The following PTPN11 variants were observed in gnomAD, a reference collection of about 807,000 sequenced individuals.
PTPN11 encodes the protein protein tyrosine phosphatase non-receptor type 11, also known as tyrosine-protein phosphatase non-receptor type 11.
In PTPN11, 6 loss-of-function variants were observed where a neutral mutation model predicts 78.8. The observed-to-expected ratio is 0.08, with a 90% CI of 0.04 to 0.15. The LOEUF (loss-of-function observed/expected upper bound fraction) is 0.15. PTPN11 is among the 10% of genes least tolerant of loss of function. The probability of loss-of-function intolerance (pLI) is 1.00; values close to 1 mark genes in which losing one functional copy is unlikely to be tolerated. For missense variants in PTPN11, 386 were observed against 744.8 expected, an observed-to-expected ratio of 0.52 and a Z score of 5.61; for synonymous variants, 221 against 263.5, an observed-to-expected ratio of 0.84 and a Z score of 1.56.
At chr12:112,488,534 G>A (rs769265601) in intron 12 of PTPN11, 24 bp downstream of exon 12, 34 of 1,574,606 alleles carry the variant, frequency 2.2e-5, no homozygotes, top group Non-Finnish European at 2.1e-5. Flanking sequence ...TGGGCAAGAA[G>A]CGACAGTTTC....
chr12:112,469,174 T>G (rs995570642), intron 6 of PTPN11, among the ~76,000 whole-genome samples: 5 of 152,190 alleles, frequency 3.3e-5, no homozygotes, highest in Admixed American at 2.6e-4. Context: ...GAATTTAGTC[T>G]GGCAAAGTAT....
At position 112,443,451 on chromosome 12, in the gene PTPN11, C is replaced by T. The variant is rs149095418; in HGVS notation, c.15-2825C>T. On this transcript the variant is annotated intron_variant, in intron 1 of 15. Coordinates refer to ENST00000351677, the MANE Select transcript of PTPN11 (RefSeq NM_002834.5). ...TTGGCTCACTGCAACCTCCGTCTCC[C>T]GGGTTCAAGCGATTCTCCTGCCTCA... 4.7e-5 allele frequency among the ~76,000 whole-genome samples: 7 copies of T among 150,344 alleles called. No individual in the cohort carries two copies. The East Asian group carries it at 7.9e-4, about 17-fold the overall frequency.
intron 13 of PTPN11, 90 bp from the exon 14 acceptor site, chr12:112,502,054 T>C (rs2038880510): frequency 9.7e-7 from 1 of 1,033,040 alleles, no homozygotes; most frequent in Middle Eastern, 2.9e-4. Flanking sequence ...TTCTCCCTCT[T>C]TTTTCTTTTT....
chr12:112,436,504 A>G (rs1594135592), intron 1 of PTPN11, among the ~76,000 whole-genome samples: 1 of 152,204 alleles, frequency 6.6e-6, no homozygotes, highest in African/African-American at 2.4e-5. Context: ...GGTTGCTTCA[A>G]TAACCAAGAG....
chr12:112,484,359 CAGAA>C (rs1336373340), intron 10 of PTPN11, among the ~76,000 whole-genome samples: 1 of 152,164 alleles, frequency 6.6e-6, no homozygotes, highest in Non-Finnish European at 1.5e-5. Flanking sequence ...GGGCACAAAA[CAGAA>C]AGTACGTGGT....
chr12:112,473,986 G>A (rs939892018), intron 7 of PTPN11, among the ~76,000 whole-genome samples: 1 of 151,526 alleles, frequency 6.6e-6, no homozygotes, highest in Non-Finnish European at 1.5e-5. Context: ...GGGCTCAAGC[G>A]ATTCTCCCAC....
chr12:112,502,313 A>G, intron 14 of PTPN11, 57 bp downstream of exon 14: 1 of 1,424,572 alleles, frequency 7.0e-7, no homozygotes. Flanking sequence ...AAAAAGGTTT[A>G]AAAAACAAAA....
chr12:112,486,799 TC>T, intron 11 of PTPN11, 170 bp downstream of exon 11: 1 of 1,483,702 alleles, frequency 6.7e-7, no homozygotes, highest in East Asian at 2.5e-5. Context: ...GGCATATTTC[TC>T]CTAGACCCTA....
At chr12:112,473,087 G>T in intron 7 of PTPN11, 47 bp downstream of exon 7, 3 of 1,441,892 alleles carry the variant, frequency 2.1e-6, no homozygotes, top group South Asian at 2.3e-5. Flanking sequence ...TGGAGATTTT[G>T]ATTCCTAGCA....
chr12:112,433,172 A>G lies in PTPN11; in HGVS notation c.15-13104A>G, dbSNP rs2037739374. Among the ~76,000 whole-genome samples, 3 of 152,280 alleles carry G rather than the reference A, an allele frequency of 2.0e-5. No individual in the cohort carries two copies. The South Asian group carries it at 6.2e-4, about 32-fold the overall frequency. ...CACCATTTACAGGCACCTGGCCACC[A>G]TTTTTAATCTTTTATATTGTATTTA... is the stretch of plus-strand genomic sequence containing the variant. On this transcript the variant is annotated intron_variant, in intron 1 of 15. Coordinates refer to ENST00000351677, the MANE Select transcript of PTPN11 (RefSeq NM_002834.5).
intron 1 of PTPN11, among the ~76,000 whole-genome samples, chr12:112,420,798 A>G (rs993774507): frequency 6.6e-6 from 1 of 152,206 alleles, no homozygotes; most frequent in Admixed American, 6.5e-5. Context: ...GTGCTTACAG[A>G]TCTGGGTAAT....
Position 112,506,089 on chromosome 12 carries a change from A to C in PTPN11, c.*297A>C, listed in dbSNP as rs1346426052. 1 of 152,232 alleles carries C rather than the reference A, an allele frequency of 6.6e-6. No individual in the cohort carries two copies. The highest frequency in any genetic ancestry group is 1.5e-5 in the Non-Finnish European group (1 of 68,044). 9.4% of individuals were successfully genotyped at this position (152,232 alleles called of 1,614,324 possible). A position where few individuals can be genotyped will look rare whatever the true frequency, so the allele number is the denominator to read the frequency against. The stretch of plus-strand genomic sequence containing the variant: ...TTGTTTGAAATTGAGGAAGCAGTTA[A>C]ATTGTGCGCTGTATTTTGCAGATTA... On this transcript the variant is annotated 3_prime_UTR_variant, in exon 16 of 16. Coordinates refer to ENST00000351677, the MANE Select transcript of PTPN11 (RefSeq NM_002834.5).
chr12:112,461,061 T>C (rs978313470), intron 6 of PTPN11, among the ~76,000 whole-genome samples: 1 of 152,182 alleles, frequency 6.6e-6, no homozygotes, highest in African/African-American at 2.4e-5. Context: ...TAAGTTGATA[T>C]ATCTAGAGAC....
intron 1 of PTPN11, among the ~76,000 whole-genome samples, chr12:112,419,979 A>G (rs1017884030): frequency 1.3e-5 from 2 of 152,252 alleles, no homozygotes; most frequent in East Asian, 1.9e-4. Flanking sequence ...CCACAGCCCT[A>G]TCAGATGGCT....
rs201097872 is a variant in PTPN11 at position 112,504,206 on chromosome 12, G to GT, written c.1713-482dup. On this transcript the variant is annotated intron_variant, in intron 14 of 15. Transcript: ENST00000351677. This position sits in a 1 kb window ranked among gnomAD's most constrained non-coding sequence, Gnocchi z 4.7. ...TTGAGGCTTTTATTGCACTTCTGTT[G>GT]TTTTTTTGAGATGGAGTCTCGCTCT... Among the ~76,000 whole-genome samples the GT allele has an allele frequency of 9.4e-3, 1,437 of 152,182 alleles. 15 individuals carry two copies. The highest frequency in any genetic ancestry group is 0.015 in the Non-Finnish European group (1,028 of 67,998).
intron 1 of PTPN11, among the ~76,000 whole-genome samples, chr12:112,437,908 C>G (rs1032388441): frequency 6.6e-6 from 1 of 152,102 alleles, no homozygotes; most frequent in Admixed American, 6.6e-5. Context: ...CCTAAGTTTT[C>G]TTACTCTAAT....
chr12:112,502,319 C>G (rs1181062331), intron 14 of PTPN11, 63 bp downstream of exon 14: 6 of 1,295,138 alleles, frequency 4.6e-6, no homozygotes, highest in Non-Finnish European at 6.7e-6. Context: ...GTTTAAAAAA[C>G]AAAAACAAAA....
chr12:112,487,069 C>A, intron 11 of PTPN11: 1 of 283,432 alleles, frequency 3.5e-6, no homozygotes, highest in Non-Finnish European at 6.4e-6. Flanking sequence ...CTTTTTCCTT[C>A]TTTTCTTCTA....
At chr12:112,453,034 A>T (rs2038099889) in intron 3 of PTPN11, among the ~76,000 whole-genome samples, 161 bp from the exon 4 acceptor site, 1 of 152,108 alleles carries the variant, frequency 6.6e-6, no homozygotes, top group Non-Finnish European at 1.5e-5. Context: ...CCTGCATGGG[A>T]TGCAGATTTT....
Sources: allele counts gnomAD v4.1 joint callset (sites outside exome capture counted in the v4.1 genomes callset), GRCh38; gene constraint gnomAD v4.1.1; non-coding constraint Gnocchi (gnomAD v3.1); transcripts MANE v1.5; gene names NCBI Gene and HGNC (gene_info 2026-07-23, HGNC 2026-07-21).